The following TRIO variants were observed in gnomAD, a reference collection of about 807,000 sequenced individuals.
TRIO encodes the protein triple functional domain protein.
Under a neutral mutation model 351.9 loss-of-function variants are expected in TRIO, and 58 were observed. The observed-to-expected ratio is 0.16, with a 90% CI of 0.13 to 0.21. The LOEUF is 0.21. TRIO is among the 10% of genes least tolerant of loss of function. TRIO has a pLI of 1.00. For missense variants in TRIO, 3,201 were observed against 4,027.8 expected, an observed-to-expected ratio of 0.79 and a Z score of 5.56; for synonymous variants, 1,758 against 1,595.7, an observed-to-expected ratio of 1.10 and a Z score of -2.42.
chr5:14,326,085 C>T (rs1036407535), intron 9 of TRIO, among the ~76,000 whole-genome samples: 3 of 152,104 alleles, frequency 2.0e-5, no homozygotes, highest in Non-Finnish European at 2.9e-5. Flanking sequence ...GCTTCTAGTG[C>T]ACACTCAGGC....
chr5:14,270,624 TG>T (rs1795925926), intron 1 of TRIO, among the ~76,000 whole-genome samples, 200 bp from the exon 2 acceptor site: 2 of 152,214 alleles, frequency 1.3e-5, no homozygotes, highest in African/African-American at 4.8e-5. Flanking sequence ...TCTGGGTCTG[TG>T]TGCAAATCAT....
At chr5:14,151,426 A>G (rs541415768) in intron 1 of TRIO, among the ~76,000 whole-genome samples, 4 of 152,050 alleles carry the variant, frequency 2.6e-5, no homozygotes, top group East Asian at 1.9e-4. Flanking sequence ...GTATGTAGGT[A>G]TATCTCTTGG....
intron 1 of TRIO, among the ~76,000 whole-genome samples, chr5:14,244,587 G>T (rs1794324773): frequency 6.6e-6 from 1 of 152,280 alleles, no homozygotes; most frequent in East Asian, 1.9e-4. Context: ...AAATTGTCTT[G>T]TCCTATAATG....
intron 11 of TRIO, among the ~76,000 whole-genome samples, chr5:14,339,192 A>T (rs1198865328): frequency 6.6e-6 from 1 of 151,898 alleles, no homozygotes; most frequent in Non-Finnish European, 1.5e-5. Flanking sequence ...AGCCGAGATC[A>T]CACCATTGCA....
In TRIO at chr5:14,508,941, C is replaced by T. The variant is rs1757906521; in HGVS notation, c.*519C>T. 1 of 163,366 alleles carries T rather than the reference C, an allele frequency of 6.1e-6. No individual in the cohort carries two copies. Among genetic ancestry groups the T allele is most frequent in the Admixed American group, 5.9e-5 (1 of 17,034 alleles). The allele number at this position is 163,366 out of a possible 1,614,324, so 10.1% of individuals were successfully genotyped here. ...CGCCCGACGTGGCTTCTGAAACGTG[C>T]ATTCAACCTCAAACTTTTGCATAAA... On this transcript the variant is annotated 3_prime_UTR_variant, in exon 57 of 57. Transcript: ENST00000344204.
chr5:14,396,044 T>TA (rs557922366), intron 28 of TRIO, among the ~76,000 whole-genome samples: 12,900 of 64,238 alleles, frequency 0.2, 1,225 homozygotes, highest in African/African-American at 0.28. Flanking sequence ...AGACTCCGCC[T>TA]AAAAAAAAAA....
At chr5:14,358,103 C>T (rs1743798482) in intron 11 of TRIO, 75 bp from the exon 12 acceptor site, 2 of 1,511,342 alleles carry the variant, frequency 1.3e-6, no homozygotes, top group East Asian at 2.4e-5. Context: ...TCCACTGGGG[C>T]CCCTTGGACA....
rs184894355 is a variant in TRIO at position 14,340,391 on chromosome 5, C to T, written c.2046+3664C>T. ...CAGCCTGGGCAACAGAGCAAGACTC[C>T]GTCTGGAAAAAAAAAAAAAAAAAGA... is the stretch of plus-strand genomic sequence containing the variant. On this transcript the variant is annotated intron_variant, in intron 11 of 56. Coordinates refer to ENST00000344204, the MANE Select transcript of TRIO (RefSeq NM_007118.4). Among the ~76,000 whole-genome samples, 1,037 of 129,496 alleles carry T rather than the reference C, an allele frequency of 8.0e-3. 6 individuals carry two copies. The highest frequency in any genetic ancestry group is 0.012 in the Non-Finnish European group (739 of 60,892). The allele number at this position is 129,496 out of a possible 152,430, so 85.0% of individuals were successfully genotyped here.
In TRIO at chr5:14,488,271, C is replaced by CGG. The variant is rs761689071; in HGVS notation, c.7632+16_7632+17dup. 1 of 1,545,376 alleles carries CGG rather than the reference C, an allele frequency of 6.5e-7. No homozygotes were observed. The highest frequency in any genetic ancestry group is 8.7e-7 in the Non-Finnish European group (1 of 1,150,938). ...ACCCAGAGCAACGGGGTAAGCGCGT[C>CGG]GGGGGGCCCGCGCCCTCCCGCCCCC... On this transcript the variant is annotated intron_variant, in intron 48 of 56. Coordinates refer to ENST00000344204, the MANE Select transcript of TRIO (RefSeq NM_007118.4).
At chr5:14,450,753 C>T (rs539714974) in intron 34 of TRIO, among the ~76,000 whole-genome samples, 1 of 152,324 alleles carries the variant, frequency 6.6e-6, no homozygotes, top group South Asian at 2.1e-4. Context: ...AAAGATTTCC[C>T]ATGCTGACAT....
chr5:14,502,659 TATG>T lies in TRIO; in HGVS notation c.8411+6_8411+8del. ...CAGTGAAGTGGCTGAGCTTGGCAGG[TATG>T]ATGCACAACCCAGAACGCCTTCCGA... On this transcript the variant is annotated splice_donor_5th_base_variant and intron_variant, in intron 54 of 56. Transcript: ENST00000344204. 1 of 1,614,098 alleles carries T rather than the reference TATG, an allele frequency of 6.2e-7. No individual in the cohort carries two copies. The highest frequency in any genetic ancestry group is 8.5e-7 in the Non-Finnish European group (1 of 1,180,014).
chr5:14,155,197 G>A (rs1788037379), intron 1 of TRIO, among the ~76,000 whole-genome samples: 1 of 152,146 alleles, frequency 6.6e-6, no homozygotes, highest in African/African-American at 2.4e-5. Context: ...ATCCCCAGTT[G>A]TAAGTATTTC....
Position 14,302,895 on chromosome 5 carries a change from C to T in TRIO, c.1369-1566C>T, listed in dbSNP as rs376033214. On this transcript the variant is annotated intron_variant, in intron 7 of 56. Transcript: ENST00000344204. ...AATTAGCTTTTTTAATTGGGCCTTC[C>T]GCACTTGCCTTTCACTCTTAACTGT... Among the ~76,000 whole-genome samples, 19 of 152,336 alleles carry T rather than the reference C, an allele frequency of 1.2e-4. 1 individual carries two copies. The South Asian group carries it at 3.1e-3, about 25-fold the overall frequency.
At chr5:14,312,980 T>C (rs1221300938) in intron 8 of TRIO, among the ~76,000 whole-genome samples, 1 of 152,236 alleles carries the variant, frequency 6.6e-6, no homozygotes, top group East Asian at 1.9e-4. Flanking sequence ...TGCCATCCTT[T>C]ATGTGCTTAA....
chr5:14,493,793 G>T (rs1756673495), intron 49 of TRIO, among the ~76,000 whole-genome samples: 1 of 152,202 alleles, frequency 6.6e-6, no homozygotes, highest in African/African-American at 2.4e-5. Context: ...TAGCTAAATT[G>T]TAAATGCAAA....
At chr5:14,294,426 T>C (rs1044230775) in intron 6 of TRIO, among the ~76,000 whole-genome samples, 1 of 152,218 alleles carries the variant, frequency 6.6e-6, no homozygotes, top group African/African-American at 2.4e-5. Flanking sequence ...TAAAAATTTG[T>C]TTGTAAAAAA....
intron 19 of TRIO, 144 bp from the exon 20 acceptor site, chr5:14,377,868 G>A: frequency 3.2e-6 from 2 of 630,412 alleles, no homozygotes. Context: ...TGCTCACTGA[G>A]ACAGGAAAGC....
Position 14,246,274 on chromosome 5 carries a change from G to A in TRIO, c.158-24551G>A, listed in dbSNP as rs527441239. On this transcript the variant is annotated intron_variant, in intron 1 of 56. Transcript: ENST00000344204. Reference sequence around the variant, plus strand: ...TTCATTTTTCTTAAATTTAAAACTTGATTTACTAGCTGTTAAACTAGGGGG... The same window carrying A: ...TTCATTTTTCTTAAATTTAAAACTTAATTTACTAGCTGTTAAACTAGGGGG... Among the ~76,000 whole-genome samples the A allele has an allele frequency of 5.9e-5, 9 of 152,306 alleles. No homozygotes were observed. In the South Asian group the frequency reaches 1.9e-3, roughly 32 times the overall value.
chr5:14,330,012 C>T (rs568606850), intron 9 of TRIO, among the ~76,000 whole-genome samples: 2 of 152,274 alleles, frequency 1.3e-5, no homozygotes, highest in East Asian at 3.9e-4. Context: ...TAAAAGTGGA[C>T]CTGTGTATTT....
Sources: allele counts gnomAD v4.1 joint callset (sites outside exome capture counted in the v4.1 genomes callset), GRCh38; gene constraint gnomAD v4.1.1; transcripts MANE v1.5; gene names NCBI Gene and HGNC (gene_info 2026-07-23, HGNC 2026-07-21).